NRCAM: variants seen among roughly 807,000 people sequenced by gnomAD.
NRCAM encodes the protein neuronal cell adhesion molecule.
In NRCAM, 83 loss-of-function variants were observed where a neutral mutation model predicts 156.5. That is an observed-to-expected ratio of 0.53 (90% CI 0.44 to 0.64). The LOEUF is 0.64. Among genes scored for constraint, NRCAM ranks in the 30% least tolerant of loss-of-function variants. The pLI, the probability that NRCAM is intolerant of heterozygous loss-of-function variation, is 0.00. For missense variants in NRCAM, 1,417 were observed against 1,597.3 expected, an observed-to-expected ratio of 0.89 and a Z score of 1.92; for synonymous variants, 538 against 563.9, an observed-to-expected ratio of 0.95 and a Z score of 0.65.
chr7:108,260,996 G>A (rs1173832739), intron 3 of NRCAM, among the ~76,000 whole-genome samples: 1 of 152,100 alleles, frequency 6.6e-6, no homozygotes. Context: ...AGGCCAGTAT[G>A]ATACTAGGTA....
chr7:108,425,070 C>T (rs1815369239), intron 1 of NRCAM, among the ~76,000 whole-genome samples: 1 of 152,124 alleles, frequency 6.6e-6, no homozygotes, highest in African/African-American at 2.4e-5. Flanking sequence ...CTTCCCCCAA[C>T]CCCTCGATTT....
intron 1 of NRCAM, among the ~76,000 whole-genome samples, chr7:108,413,048 C>T (rs1279223553): frequency 6.6e-6 from 1 of 152,126 alleles, no homozygotes; most frequent in East Asian, 1.9e-4. Flanking sequence ...GACATATGCC[C>T]AGTTGGATTG....
chr7:108,396,711 T>C (rs1392127509), intron 2 of NRCAM, among the ~76,000 whole-genome samples: 2 of 152,214 alleles, frequency 1.3e-5, no homozygotes, highest in Non-Finnish European at 2.9e-5. Context: ...AATTTGTATA[T>C]GAAATATGTA....
intron 2 of NRCAM, among the ~76,000 whole-genome samples, chr7:108,333,279 C>T (rs919658777): frequency 3.9e-5 from 6 of 152,120 alleles, no homozygotes; most frequent in Non-Finnish European, 8.8e-5. Context: ...AACACATACA[C>T]GCACACACAC....
chr7:108,323,793 A>G (rs2099031608), intron 2 of NRCAM, among the ~76,000 whole-genome samples: 1 of 152,050 alleles, frequency 6.6e-6, no homozygotes, highest in Admixed American at 6.6e-5. Context: ...ATAGAGTGTG[A>G]AGATAAAGAG....
chr7:108,201,577 T>TA (rs2078150133), intron 13 of NRCAM, among the ~76,000 whole-genome samples: 1 of 152,196 alleles, frequency 6.6e-6, no homozygotes, highest in African/African-American at 2.4e-5. Flanking sequence ...TATGTGTTTT[T>TA]ACCACAATAA....
chr7:108,210,101 A>T (rs1277139388), intron 11 of NRCAM, among the ~76,000 whole-genome samples: 1 of 151,594 alleles, frequency 6.6e-6, no homozygotes, highest in Non-Finnish European at 1.5e-5. Flanking sequence ...ATTTTACAGC[A>T]GTCTATCTGA....
intron 7 of NRCAM, 37 bp downstream of exon 7, chr7:108,232,289 T>G (rs780912055): frequency 2.0e-6 from 3 of 1,489,048 alleles, no homozygotes; most frequent in Non-Finnish European, 1.8e-6. Context: ...AGCAATACTT[T>G]AAAAAGGGTC....
intron 3 of NRCAM, among the ~76,000 whole-genome samples, chr7:108,283,240 A>C (rs1380806037): frequency 1.3e-5 from 2 of 152,240 alleles, no homozygotes; most frequent in African/African-American, 4.8e-5. Context: ...CTATTACATA[A>C]CTGTCTTTAG....
At chr7:108,379,856 T>C (rs540791746) in intron 2 of NRCAM, among the ~76,000 whole-genome samples, 1 of 152,186 alleles carries the variant, frequency 6.6e-6, no homozygotes, top group East Asian at 1.9e-4. Flanking sequence ...AGGGAAAATA[T>C]AAAAGAGAAG....
At chr7:108,316,503 C>T (rs11762993) in intron 2 of NRCAM, among the ~76,000 whole-genome samples, 4 of 152,046 alleles carry the variant, frequency 2.6e-5, no homozygotes, top group Admixed American at 2.6e-4. Context: ...AGGCCGGGCA[C>T]GGTGGCTCAC....
chr7:108,414,140 C>T (rs115794206), intron 1 of NRCAM, among the ~76,000 whole-genome samples: 4,658 of 152,300 alleles, frequency 0.031, 120 homozygotes, highest in African/African-American at 0.072. Context: ...AAACTTAATG[C>T]GGAAACCTTG....
At chr7:108,455,923 G>C (rs921583528) in intron 1 of NRCAM, among the ~76,000 whole-genome samples, 2 of 152,210 alleles carry the variant, frequency 1.3e-5, no homozygotes, top group Admixed American at 1.3e-4. Context: ...CGTGGGGTGC[G>C]GGCGCGGAGC....
At chr7:108,375,517 A>G (rs1595614260) in intron 2 of NRCAM, among the ~76,000 whole-genome samples, 1 of 152,142 alleles carries the variant, frequency 6.6e-6, no homozygotes, top group East Asian at 1.9e-4. Flanking sequence ...TGGAAATAAA[A>G]GGATCATAGT....
At position 108,411,910 on chromosome 7, in the gene NRCAM, G is replaced by A. The variant is rs149072747; in HGVS notation, c.-331-12317C>T. Among the ~76,000 whole-genome samples the A allele has an allele frequency of 6.3e-3, 959 of 152,236 alleles. 5 individuals are homozygous for A. Among genetic ancestry groups the A allele is most frequent in the Non-Finnish European group, 1.0e-2 (679 of 68,020 alleles). On this transcript the variant is annotated intron_variant, in intron 1 of 32. Coordinates refer to ENST00000379028, the MANE Select transcript of NRCAM (RefSeq NM_001037132.4). ...ATTCCACTGTTGACAGTCCACTGTT[G>A]ATAGGTACTTAAGTTGATCCATTTT...
chr7:108,336,421 T>A (rs1359233905), intron 2 of NRCAM, among the ~76,000 whole-genome samples: 1 of 152,248 alleles, frequency 6.6e-6, no homozygotes, highest in Admixed American at 6.5e-5. Flanking sequence ...GATTTAACAT[T>A]ATCTGTAGGA....
chr7:108,317,336 G>T (rs1183726678), intron 2 of NRCAM, among the ~76,000 whole-genome samples: 1 of 152,158 alleles, frequency 6.6e-6, no homozygotes, highest in Admixed American at 6.5e-5. Context: ...CTAGGAAGAA[G>T]ATTTAATTTT....
At chr7:108,370,458 A>T (rs1242426542) in intron 2 of NRCAM, among the ~76,000 whole-genome samples, 2 of 152,184 alleles carry the variant, frequency 1.3e-5, no homozygotes, top group Non-Finnish European at 2.9e-5. Context: ...AAAAATAATA[A>T]GCATGGATAG....
chr7:108,177,361 C>A (rs1331375675), intron 26 of NRCAM, among the ~76,000 whole-genome samples: 2 of 152,112 alleles, frequency 1.3e-5, no homozygotes, highest in Admixed American at 1.3e-4. Context: ...CAGTGGCTCA[C>A]GCCTGTAATC....
Sources: allele counts gnomAD v4.1 joint callset (sites outside exome capture counted in the v4.1 genomes callset), GRCh38; gene constraint gnomAD v4.1.1; transcripts MANE v1.5; gene names NCBI Gene and HGNC (gene_info 2026-07-23, HGNC 2026-07-21).